The following NRG1 variants were observed in gnomAD, a reference collection of about 807,000 sequenced individuals.
The protein encoded by NRG1 is pro-neuregulin-1, membrane-bound isoform.
NRG1 carries 18 observed loss-of-function variants against 63.8 expected under a neutral mutation model. The observed-to-expected ratio is 0.28, with a 90% CI of 0.19 to 0.42. The LOEUF (loss-of-function observed/expected upper bound fraction) is 0.42. NRG1 is among the 10% of genes least tolerant of loss of function. NRG1 has a pLI of 1.00. For synonymous variants in NRG1, 302 were observed against 301.3 expected, an observed-to-expected ratio of 1.00 and a Z score of -0.02; for missense variants, 762 against 814.7, an observed-to-expected ratio of 0.94 and a Z score of 0.79.
intron 1 of NRG1, among the ~76,000 whole-genome samples, chr8:32,069,524 A>T (rs1281563670): frequency 6.6e-6 from 1 of 152,196 alleles, no homozygotes; most frequent in Non-Finnish European, 1.5e-5. Flanking sequence ...GGTGTCAAAA[A>T]TCAAGACTTC....
intron 1 of NRG1, among the ~76,000 whole-genome samples, chr8:31,650,234 TC>T (rs1405432165): frequency 6.6e-6 from 1 of 152,172 alleles, no homozygotes; most frequent in Non-Finnish European, 1.5e-5. Context: ...CACCTCAGCC[TC>T]CCAAAGTGCT....
intron 1 of NRG1, among the ~76,000 whole-genome samples, chr8:32,340,191 A>G (rs1453238755): frequency 1.3e-5 from 2 of 152,252 alleles, no homozygotes; most frequent in Non-Finnish European, 2.9e-5. Flanking sequence ...CAACATTTAA[A>G]ACAATACACA....
At chr8:32,740,251 A>G (rs1589522878) in intron 6 of NRG1, among the ~76,000 whole-genome samples, 2 of 132,938 alleles carry the variant, frequency 1.5e-5, no homozygotes, top group African/African-American at 5.8e-5. Flanking sequence ...GCTGGAGTGC[A>G]ATGGCACGAT....
chr8:32,226,123 T>A (rs965559219), intron 1 of NRG1, among the ~76,000 whole-genome samples: 1 of 152,234 alleles, frequency 6.6e-6, no homozygotes, highest in Non-Finnish European at 1.5e-5. Context: ...GCAGAGAGAA[T>A]ATTTCACTGA....
chr8:31,659,209 C>A (rs937469469), intron 1 of NRG1, among the ~76,000 whole-genome samples: 3 of 152,160 alleles, frequency 2.0e-5, no homozygotes, highest in African/African-American at 7.2e-5. Flanking sequence ...GGTTCCTTCA[C>A]TAGAACACCA....
chr8:32,099,134 A>G (rs946370705), intron 1 of NRG1, among the ~76,000 whole-genome samples: 1 of 152,186 alleles, frequency 6.6e-6, no homozygotes, highest in African/African-American at 2.4e-5. Flanking sequence ...AAGGAGACAA[A>G]GGCTTGCTGG....
chr8:31,871,617 A>T (rs1187856960), intron 1 of NRG1, among the ~76,000 whole-genome samples: 1 of 151,946 alleles, frequency 6.6e-6, no homozygotes, highest in African/African-American at 2.4e-5. Context: ...TTCACTAAAA[A>T]ACTGTGGTTC....
At chr8:32,475,281 A>G (rs534686810) in intron 1 of NRG1, among the ~76,000 whole-genome samples, 27 of 151,942 alleles carry the variant, frequency 1.8e-4, no homozygotes, top group Non-Finnish European at 2.6e-4. Context: ...CCTGGCCAAC[A>G]TGGTGAAACC....
chr8:32,520,677 G>T (rs2129505506), intron 1 of NRG1, among the ~76,000 whole-genome samples: 1 of 152,294 alleles, frequency 6.6e-6, no homozygotes, highest in East Asian at 1.9e-4. Flanking sequence ...GAATACAGTA[G>T]TCCCCCCTTC....
chr8:32,024,813 A>G (rs1816988142), intron 1 of NRG1, among the ~76,000 whole-genome samples: 2 of 152,258 alleles, frequency 1.3e-5, no homozygotes, highest in Non-Finnish European at 2.9e-5. Flanking sequence ...CCTGTGAGTG[A>G]AAATGATCCC....
At chr8:32,648,257 C>T in intron 5 of NRG1, 3 of 1,614,054 alleles carry the variant, frequency 1.9e-6, no homozygotes, top group South Asian at 2.2e-5. Context: ...GTATTTTTGC[C>T]TTTTCTTTCT....
At chr8:31,752,063 C>T (rs1219021246) in intron 1 of NRG1, among the ~76,000 whole-genome samples, 5 of 151,960 alleles carry the variant, frequency 3.3e-5, no homozygotes, top group South Asian at 2.1e-4. Context: ...TTCACAAACT[C>T]GGGAATGAGC....
chr8:32,243,163 C>T (rs937503947), intron 1 of NRG1, among the ~76,000 whole-genome samples: 2 of 152,148 alleles, frequency 1.3e-5, no homozygotes, highest in African/African-American at 2.4e-5. Context: ...ATGGCTCACA[C>T]CTGCAATCCC....
chr8:32,106,090 G>A (rs543764639), intron 1 of NRG1, among the ~76,000 whole-genome samples: 3 of 152,280 alleles, frequency 2.0e-5, no homozygotes, highest in South Asian at 2.1e-4. Flanking sequence ...AAGTACAAAC[G>A]TTGTGTGTGC....
chr8:32,480,514 A>G (rs2129492786), intron 1 of NRG1, among the ~76,000 whole-genome samples: 1 of 152,104 alleles, frequency 6.6e-6, no homozygotes, highest in African/African-American at 2.4e-5. Context: ...AAAACGAGGC[A>G]AGGTGATGGA....
At chr8:32,667,325 C>T (rs7838692) in intron 5 of NRG1, among the ~76,000 whole-genome samples, 1,604 of 152,244 alleles carry the variant, frequency 0.011, 42 homozygotes, top group African/African-American at 0.037. Flanking sequence ...TTATATGGCA[C>T]GTGATGGTAT....
chr8:32,040,750 C>CATATATACATATATATATATATAT (rs1819869723), intron 1 of NRG1, among the ~76,000 whole-genome samples: 1 of 48,684 alleles, frequency 2.1e-5, no homozygotes, highest in African/African-American at 6.1e-5. Context: ...AATTTAGGCG[C>CATATATACATATATATATATATAT]ATATATATAT....
intron 1 of NRG1, among the ~76,000 whole-genome samples, chr8:31,920,206 G>A (rs1049832549): frequency 3.9e-5 from 6 of 152,038 alleles, no homozygotes; most frequent in African/African-American, 1.4e-4. Flanking sequence ...TATTTGCTTA[G>A]CGTAGATTAG....
At chr8:31,912,500 C>A (rs1833029156) in intron 1 of NRG1, among the ~76,000 whole-genome samples, 1 of 150,756 alleles carries the variant, frequency 6.6e-6, no homozygotes, top group South Asian at 2.1e-4. Context: ...GAGTGACCTG[C>A]CTCTGAGAGT....
Sources: gnomAD v4.1 joint callset for allele counts (sites outside exome capture counted in the v4.1 genomes callset) on GRCh38, gnomAD v4.1.1 for gene constraint, MANE v1.5 for transcripts, NCBI Gene and HGNC (gene_info 2026-07-23, HGNC 2026-07-21) for gene names.